The following RPS6KA2 variants were observed in gnomAD, a reference collection of about 807,000 sequenced individuals.
The protein encoded by RPS6KA2 is ribosomal protein S6 kinase alpha-2.
Under a neutral mutation model 91.8 loss-of-function variants are expected in RPS6KA2, and 42 were observed. The observed-to-expected ratio is 0.46, with a 90% CI of 0.36 to 0.59. The LOEUF (loss-of-function observed/expected upper bound fraction) is 0.59. Ranked by LOEUF, RPS6KA2 falls within the 20% of genes least tolerant of loss-of-function variation. The pLI is 0.00. For missense variants in RPS6KA2, 798 were observed against 978.5 expected (o/e 0.82, Z 2.46); for synonymous variants, 414 against 393.6 (o/e 1.05, Z -0.61).
At chr6:166,681,690 G>T (rs866252773) in intron 2 of RPS6KA2, among the ~76,000 whole-genome samples, 8 of 57,544 alleles carry the variant, frequency 1.4e-4, no homozygotes, top group Admixed American at 3.2e-4. Context: ...CCCCCTGCCC[G>T]CCCCCCCCCC....
At chr6:166,728,497 C>G (rs536209631) in intron 2 of RPS6KA2, among the ~76,000 whole-genome samples, 83 of 152,314 alleles carry the variant, frequency 5.4e-4, no homozygotes, top group African/African-American at 1.9e-3. Context: ...CCCCTTTACT[C>G]TGGTCTCTGA....
Position 166,423,379 on chromosome 6 carries a change from G to A in RPS6KA2, c.1620C>T (p.Tyr540=). ...HRDLKPSNIL[Y]RDESGSPESI... ...ATTCTGGGCTCCCCGACTCATCCCT[G>A]TACAGGATGTTACTCGGCTTCAGGT... Residue 540 remains tyrosine (Y), a synonymous_variant, in exon 17 of 21, where the codon TAC becomes TAT. Coordinates refer to ENST00000265678, the MANE Select transcript of RPS6KA2 (RefSeq NM_021135.6). This position sits in a 1 kb window ranked among gnomAD's most constrained non-coding sequence, Gnocchi z 4.8. 1 of 1,613,884 alleles carries A rather than the reference G, an allele frequency of 6.2e-7. No homozygotes were observed. The highest frequency in any genetic ancestry group is 8.5e-7 in the Non-Finnish European group (1 of 1,179,800).
intron 1 of RPS6KA2, among the ~76,000 whole-genome samples, chr6:166,588,788 G>A (rs1490981930): frequency 3.9e-5 from 6 of 152,204 alleles, no homozygotes; most frequent in Non-Finnish European, 5.9e-5. Flanking sequence ...GTCCAGCTGG[G>A]CAGTCGCACA....
At chr6:166,444,350 G>A (rs1779610443) in intron 14 of RPS6KA2, among the ~76,000 whole-genome samples, 1 of 152,166 alleles carries the variant, frequency 6.6e-6, no homozygotes, top group Non-Finnish European at 1.5e-5. Flanking sequence ...CTATTTTGAA[G>A]CCCTATACAA....
intron 2 of RPS6KA2, among the ~76,000 whole-genome samples, chr6:166,532,494 T>C (rs535507625): frequency 1.3e-5 from 2 of 152,320 alleles, no homozygotes; most frequent in Admixed American, 6.5e-5. Flanking sequence ...ACGGAGTTGC[T>C]GTATCAGTGT....
chr6:166,551,054 A>G (rs999029159), intron 1 of RPS6KA2, among the ~76,000 whole-genome samples: 6 of 150,774 alleles, frequency 4.0e-5, no homozygotes, highest in Admixed American at 2.7e-4. Flanking sequence ...CTAATTAGAT[A>G]ACTGAGTTAA....
At chr6:166,745,276 T>A (rs140306770) in intron 2 of RPS6KA2, among the ~76,000 whole-genome samples, 6 of 151,572 alleles carry the variant, frequency 4.0e-5, no homozygotes, top group African/African-American at 9.7e-5. Flanking sequence ...CTCAGCCTCC[T>A]GAGTAGCTGG....
chr6:166,745,213 G>T (rs144822675), intron 2 of RPS6KA2, among the ~76,000 whole-genome samples: 3 of 148,870 alleles, frequency 2.0e-5, no homozygotes, highest in Non-Finnish European at 4.4e-5. Context: ...GTGCAGTGGC[G>T]CCATCTCGGC....
rs1406239253 is a variant in RPS6KA2, at chr6:166,662,332, T to C, written c.124-123548A>G. ...TTCAGTAAGGTAATTTAGCTATCCA[T>C]TGGCAGGCAAAGGACGTATTTGATG... On this transcript the variant is annotated intron_variant, in intron 2 of 21. Coordinates refer to the RPS6KA2 transcript ENST00000503859. This position sits in a 1 kb window ranked among gnomAD's most constrained non-coding sequence, Gnocchi z 4.3. Among the ~76,000 whole-genome samples the C allele has an allele frequency of 6.6e-6, 1 of 152,200 alleles. No homozygotes were observed. The highest frequency in any genetic ancestry group is 1.5e-5 in the Non-Finnish European group (1 of 68,032).
Position 166,635,927 on chromosome 6 carries a change from G to T in RPS6KA2, c.124-97143C>A, listed in dbSNP as rs537224179. On this transcript the variant is annotated intron_variant, in intron 2 of 21. Coordinates refer to the RPS6KA2 transcript ENST00000503859. The surrounding 1 kb of genome is among the most constrained non-coding windows in gnomAD (Gnocchi z 4.8). ...AGCCACCAACCCTACTCTAGACCAGGGTGGTCACCTGCTAGCTTGGCCGCC... is the reference window on the plus strand; with the variant it reads ...AGCCACCAACCCTACTCTAGACCAGTGTGGTCACCTGCTAGCTTGGCCGCC... Among the ~76,000 whole-genome samples, 1 of 152,282 alleles carries T rather than the reference G, an allele frequency of 6.6e-6. No homozygotes were observed. The highest frequency in any genetic ancestry group is 1.9e-4 in the East Asian group (1 of 5,184).
intron 1 of RPS6KA2, among the ~76,000 whole-genome samples, chr6:166,583,153 A>T (rs1388257845): frequency 6.6e-6 from 1 of 152,246 alleles, no homozygotes; most frequent in African/African-American, 2.4e-5. Context: ...TCAAGGTATC[A>T]TATTACACAT....
intron 16 of RPS6KA2, among the ~76,000 whole-genome samples, chr6:166,427,557 TG>T (rs1243818322): frequency 6.6e-6 from 1 of 152,206 alleles, no homozygotes; most frequent in Non-Finnish European, 1.5e-5. Flanking sequence ...AAAACCCCAC[TG>T]TCTCAGCCCA....
chr6:166,549,126 G>A (rs981916570), intron 1 of RPS6KA2, among the ~76,000 whole-genome samples: 7 of 152,314 alleles, frequency 4.6e-5, no homozygotes, highest in African/African-American at 1.7e-4. Flanking sequence ...TAAAGTATCA[G>A]TACATACCCA....
intron 10 of RPS6KA2, among the ~76,000 whole-genome samples, chr6:166,479,406 G>A (rs1165644488): frequency 6.6e-6 from 1 of 152,254 alleles, no homozygotes; most frequent in Non-Finnish European, 1.5e-5. Flanking sequence ...CGAGGTGGCA[G>A]TGTGGTCCTG....
At chr6:166,587,310 G>C (rs1583303824) in intron 1 of RPS6KA2, among the ~76,000 whole-genome samples, 1 of 152,330 alleles carries the variant, frequency 6.6e-6, no homozygotes, top group South Asian at 2.1e-4. Context: ...GATAAGCACA[G>C]ACTAGAGATT....
chr6:166,613,232 T>C (rs569629478), intron 1 of RPS6KA2, among the ~76,000 whole-genome samples: 5 of 152,248 alleles, frequency 3.3e-5, no homozygotes, highest in Non-Finnish European at 5.9e-5. Flanking sequence ...CTGCATTTCA[T>C]AGACCTGCTG....
At chr6:166,592,904 T>A (rs1222212897) in intron 1 of RPS6KA2, among the ~76,000 whole-genome samples, 1 of 152,154 alleles carries the variant, frequency 6.6e-6, no homozygotes, top group Non-Finnish European at 1.5e-5. Flanking sequence ...ACCAAAAACA[T>A]CAGCACAAAA....
chr6:166,843,603 C>A (rs1025101413), intron 2 of RPS6KA2, among the ~76,000 whole-genome samples: 43 of 152,198 alleles, frequency 2.8e-4, no homozygotes, highest in African/African-American at 1.0e-3. Context: ...GGACTCTTTG[C>A]AGACGTTCCT....
At chr6:166,644,877 A>G (rs1352969071) in intron 2 of RPS6KA2, among the ~76,000 whole-genome samples, 1 of 152,238 alleles carries the variant, frequency 6.6e-6, no homozygotes, top group Non-Finnish European at 1.5e-5. Flanking sequence ...AAGGAGAGAC[A>G]CATACACACA....
Sources: allele counts gnomAD v4.1 joint callset (sites outside exome capture counted in the v4.1 genomes callset), GRCh38; gene constraint gnomAD v4.1.1; non-coding constraint Gnocchi (gnomAD v3.1); transcripts MANE v1.5; gene names NCBI Gene and HGNC (gene_info 2026-07-23, HGNC 2026-07-21).